The following DBR1 variants were observed in gnomAD, a reference collection of about 807,000 sequenced individuals.
The protein encoded by DBR1 is lariat debranching enzyme.
Under a neutral mutation model 45.9 loss-of-function variants are expected in DBR1, and 33 were observed. The observed-to-expected ratio is 0.72, with a 90% CI of 0.55 to 0.96. The LOEUF is 0.96. DBR1 is among the 40% of genes least tolerant of loss of function. The probability of loss-of-function intolerance (pLI) is 0.00; values close to 1 mark genes in which losing one functional copy is unlikely to be tolerated. For missense variants in DBR1, 619 were observed against 667.4 expected, an observed-to-expected ratio of 0.93 and a Z score of 0.80; for synonymous variants, 235 against 235.9, an observed-to-expected ratio of 1.00 and a Z score of 0.04.
chr3:138,161,682 C>A lies in DBR1; in HGVS notation c.*207G>T. Reference sequence around the variant, plus strand: ...CCAACACGGTGAAACCCTGTCATTACTAAAAATGCAAAAATTAGCCGGGTG... The same window carrying A: ...CCAACACGGTGAAACCCTGTCATTAATAAAAATGCAAAAATTAGCCGGGTG... On this transcript the variant is annotated 3_prime_UTR_variant, in exon 8 of 8. Transcript: ENST00000260803. 2.0e-6 allele frequency: 1 copy of A among 492,048 alleles called. No homozygotes were observed. The highest frequency in any genetic ancestry group is 3.7e-6 in the Non-Finnish European group (1 of 270,770). 30.5% of individuals were successfully genotyped at this position (492,048 alleles called of 1,614,324 possible).
intron 5 of DBR1, among the ~76,000 whole-genome samples, chr3:138,164,479 T>G (rs1419009742): frequency 6.6e-6 from 1 of 152,188 alleles, no homozygotes; most frequent in Non-Finnish European, 1.5e-5. Context: ...ACAAAGCAAG[T>G]TAGTGCTCCC....
At chr3:138,163,703 C>A in intron 6 of DBR1, 75 bp downstream of exon 6, 1 of 1,140,176 alleles carries the variant, frequency 8.8e-7, no homozygotes. Flanking sequence ...CAAAAAAATT[C>A]CGAAAGGAAA....
chr3:138,173,610 T>C lies in DBR1; in HGVS notation c.214A>G (p.Lys72Glu), dbSNP rs1465425853. The change falls in exon 2 of 8, where the codon AAA (lysine) becomes GAA (glutamate). Residue 72 changes from lysine (K) to glutamate (E), a missense_variant. This residue lies in a region of DBR1 where 430 missense variants were observed against 447.7 expected (regional missense o/e 0.96). Transcript: ENST00000260803. ...AAGAGCGTGAGAACTGGAGCCTTTT[T>C]CTCTCCAGAGTAATACCTAGAACAT... ...QTFYRYYSGE[K>E]KAPVLTLFIG... 6.2e-7 allele frequency: 1 copy of C among 1,613,564 alleles called. No homozygotes were observed. Among genetic ancestry groups the C allele is most frequent in the Admixed American group, 1.7e-5 (1 of 59,948 alleles).
Position 138,161,678 on chromosome 3 carries a change from A to G in DBR1, c.*211T>C. On this transcript the variant is annotated 3_prime_UTR_variant, in exon 8 of 8. Transcript: ENST00000260803. ...CTGGCCAACACGGTGAAACCCTGTCATTACTAAAAATGCAAAAATTAGCCG... is the reference window on the plus strand; with the variant it reads ...CTGGCCAACACGGTGAAACCCTGTCGTTACTAAAAATGCAAAAATTAGCCG... 1 of 481,064 alleles carries G rather than the reference A, an allele frequency of 2.1e-6. No individual in the cohort carries two copies. The highest frequency in any genetic ancestry group is 3.8e-6 in the Non-Finnish European group (1 of 264,096). 29.8% of individuals were successfully genotyped at this position (481,064 alleles called of 1,614,324 possible).
intron 2 of DBR1, among the ~76,000 whole-genome samples, 189 bp from the exon 3 acceptor site, chr3:138,171,902 T>C (rs2042957356): frequency 6.6e-6 from 1 of 152,126 alleles, no homozygotes; most frequent in African/African-American, 2.4e-5. Context: ...TAACAGTATA[T>C]AAAGGTAAGG....
intron 5 of DBR1, among the ~76,000 whole-genome samples, chr3:138,164,470 C>A (rs143151560): frequency 6.6e-6 from 1 of 152,294 alleles, no homozygotes; most frequent in East Asian, 1.9e-4. Flanking sequence ...TATAGAAACA[C>A]AAAGCAAGTT....
In DBR1 at chr3:138,166,962, T is replaced by G. The variant is rs1034216698; in HGVS notation, c.714+119A>C. The stretch of plus-strand genomic sequence containing the variant: ...GCTTGTCTTTCCCAGAATCATATAT[T>G]GAGCTACTCACAAGAGGTAAGTTAT... On this transcript the variant is annotated intron_variant, in intron 5 of 7. Coordinates refer to ENST00000260803, the MANE Select transcript of DBR1 (RefSeq NM_016216.4). The G allele has an allele frequency of 3.6e-5, 31 of 867,916 alleles. No homozygotes were observed. In the African/African-American group the frequency reaches 4.6e-4, roughly 13 times the overall value. 53.8% of individuals were successfully genotyped at this position (867,916 alleles called of 1,614,324 possible). A position where few individuals can be genotyped will look rare whatever the true frequency, so the allele number is the denominator to read the frequency against.
In DBR1 at chr3:138,161,870, A is replaced by G; in HGVS notation, c.*19T>C. The G allele has an allele frequency of 1.3e-6, 2 of 1,592,612 alleles. No homozygotes were observed. Among genetic ancestry groups the G allele is most frequent in the Non-Finnish European group, 1.7e-6 (2 of 1,162,282 alleles). On this transcript the variant is annotated 3_prime_UTR_variant, in exon 8 of 8. Coordinates refer to ENST00000260803, the MANE Select transcript of DBR1 (RefSeq NM_016216.4). ...TCAAAAAAACAAAACAAACACAAAA[A>G]CAAAACAAGTAAATCATCTTAAGCT... is the stretch of plus-strand genomic sequence containing the variant.
Position 138,174,763 on chromosome 3 carries a change from G to T in DBR1, c.33C>A (p.Gly11=), listed in dbSNP as rs1177937395. Residue 11 remains glycine, a synonymous_variant, in exon 1 of 8, where the codon GGC becomes GGA. Transcript: ENST00000260803. MRVAVAGCCH[G]ELDKIYETLA... Reference sequence around the variant, plus strand: ...GCGTCTCATAGATCTTATCCAGCTCGCCGTGGCAGCAGCCAGCCACAGCCA... The same window carrying T: ...GCGTCTCATAGATCTTATCCAGCTCTCCGTGGCAGCAGCCAGCCACAGCCA... 1.2e-6 allele frequency: 2 copies of T among 1,611,622 alleles called. No individual in the cohort carries two copies. The highest frequency in any genetic ancestry group is 1.7e-5 in the Admixed American group (1 of 59,912).
Position 138,162,187 on chromosome 3 carries a change from C to G in DBR1, c.1337G>C (p.Gly446Ala), listed in dbSNP as rs34889464. The change falls in exon 8 of 8, where the codon GGC (glycine) becomes GCC (alanine). Residue 446 changes from glycine (G) to alanine (A), a missense_variant. By Grantham distance (60) the Gly-to-Ala change is moderately conservative. Coordinates refer to ENST00000260803, the MANE Select transcript of DBR1 (RefSeq NM_016216.4). The part of the protein sequence containing the change: ...DEDSIVSAHS[G>A]MNTPSVEPSD... ...AGGTTCTACCGATGGTGTATTCATGCCACTATGTGCACTTACAATACTATC... is the reference window on the plus strand; with the variant it reads ...AGGTTCTACCGATGGTGTATTCATGGCACTATGTGCACTTACAATACTATC... The G allele has an allele frequency of 6.2e-7, 1 of 1,614,138 alleles. No individual in the cohort carries two copies. The highest frequency in any genetic ancestry group is 1.1e-5 in the South Asian group (1 of 91,084).
rs1292701478 is a variant in DBR1, at chr3:138,163,458, A to C, written c.832T>G (p.Tyr278Asp). The part of the protein sequence containing the change: ...EIEHDPSAPD[Y>D]LEYDIEWLTI... ...AGCCATTCAATATCATATTCCAAGT[A>C]ATCAGGAGCACTGGGGTCATGTTCT... is the stretch of plus-strand genomic sequence containing the variant. The change falls in exon 7 of 8, where the codon TAC becomes GAC. Residue 278 changes from tyrosine (Y) to aspartate (D), a missense_variant. This residue lies in a region of DBR1 where 430 missense variants were observed against 447.7 expected (regional missense o/e 0.96). Coordinates refer to ENST00000260803, the MANE Select transcript of DBR1 (RefSeq NM_016216.4). 2.5e-6 allele frequency: 4 copies of C among 1,610,022 alleles called. No homozygotes were observed. The African/African-American group carries it at 5.3e-5, about 22-fold the overall frequency.
In DBR1 at chr3:138,162,472, C is replaced by T. The variant is rs770770672; in HGVS notation, c.1052G>A (p.Ser351Asn). 1.1e-5 allele frequency: 18 copies of T among 1,613,946 alleles called. No individual in the cohort carries two copies. The highest frequency in any genetic ancestry group is 1.4e-5 in the Non-Finnish European group (17 of 1,180,004). The change falls in exon 8 of 8, where the codon AGC becomes AAC. Residue 351 changes from serine to asparagine, a missense_variant. Coordinates refer to ENST00000260803, the MANE Select transcript of DBR1 (RefSeq NM_016216.4). ...FSVTAACYDP[S>N]KPQTQMQLIH... ...CAGCTGCATTTGTGTCTGTGGCTTGCTAGGATCATAACAAGCAGCTGTTAC... is the reference window on the plus strand; with the variant it reads ...CAGCTGCATTTGTGTCTGTGGCTTGTTAGGATCATAACAAGCAGCTGTTAC...
Position 138,174,614 on chromosome 3 carries a change from A to T in DBR1, c.182T>A (p.Met61Lys). 2 of 1,565,124 alleles carry T rather than the reference A, an allele frequency of 1.3e-6. No homozygotes were observed. Among genetic ancestry groups the T allele is most frequent in the Non-Finnish European group, 1.7e-6 (2 of 1,151,008 alleles). ...CMAVPPKYRHMQTFYRYYSGE... is the reference protein window; with the variant it reads ...CMAVPPKYRHKQTFYRYYSGE... ...GCGTCCTCACCTGTAGAAGGTTTGCATGTGACGATACTTGGGCGGCACGGC... is the reference window on the plus strand; with the variant it reads ...GCGTCCTCACCTGTAGAAGGTTTGCTTGTGACGATACTTGGGCGGCACGGC... The change falls in exon 1 of 8, where the codon ATG (methionine) becomes AAG (lysine). Residue 61 changes from methionine (M) to lysine (K), a missense_variant. By Grantham distance (95) the Met-to-Lys change is moderately conservative. Around this residue, in one of 3 missense-constraint regions of DBR1, gnomAD observed 430 missense variants for 447.7 expected, o/e 0.96. Transcript: ENST00000260803.
intron 4 of DBR1, 114 bp downstream of exon 4, chr3:138,169,993 A>T: frequency 2.8e-6 from 2 of 703,074 alleles, no homozygotes; most frequent in South Asian, 3.4e-5. Flanking sequence ...TCCACATTTT[A>T]AAAATACAGA....
In DBR1 at chr3:138,161,804, C is replaced by G; in HGVS notation, c.*85G>C. Reference sequence around the variant, plus strand: ...GAGGTTGCGGTGAGCCGAGATCACGCCATTGCACTCCAGTCTAGGTGACAA... The same window carrying G: ...GAGGTTGCGGTGAGCCGAGATCACGGCATTGCACTCCAGTCTAGGTGACAA... On this transcript the variant is annotated 3_prime_UTR_variant, in exon 8 of 8. Transcript: ENST00000260803. 5.5e-6 allele frequency: 6 copies of G among 1,090,772 alleles called. No homozygotes were observed. Among genetic ancestry groups the G allele is most frequent in the Non-Finnish European group, 8.3e-6 (6 of 723,834 alleles). The allele number at this position is 1,090,772 out of a possible 1,614,324, so 67.6% of individuals were successfully genotyped here.
chr3:138,165,211 C>G (rs1483285215), intron 5 of DBR1, among the ~76,000 whole-genome samples: 1 of 152,124 alleles, frequency 6.6e-6, no homozygotes, highest in Non-Finnish European at 1.5e-5. Flanking sequence ...GACCAAGCAA[C>G]AGTTCAGTTC....
intron 5 of DBR1, among the ~76,000 whole-genome samples, chr3:138,165,391 G>C (rs2042925399): frequency 1.3e-5 from 2 of 152,134 alleles, no homozygotes; most frequent in Admixed American, 1.3e-4. Flanking sequence ...AGATTCTAGA[G>C]CATTTCAGAT....
At position 138,163,775 on chromosome 3, in the gene DBR1, T is replaced by A; in HGVS notation, c.795+3A>T. The A allele has an allele frequency of 6.2e-7, 1 of 1,608,020 alleles. No homozygotes were observed. Among genetic ancestry groups the A allele is most frequent in the Non-Finnish European group, 8.5e-7 (1 of 1,175,432 alleles). On this transcript the variant is annotated splice_donor_region_variant and intron_variant, in intron 6 of 7. Coordinates refer to ENST00000260803, the MANE Select transcript of DBR1 (RefSeq NM_016216.4). ...TATTATAAAGCCACTTCACTCTTCT[T>A]ACCTGAAGAAAATCTCTATGTGGTA...
intron 5 of DBR1, among the ~76,000 whole-genome samples, chr3:138,164,545 G>C (rs559919371): frequency 1.9e-4 from 29 of 152,170 alleles, no homozygotes; most frequent in Non-Finnish European, 4.0e-4. Context: ...AGGATCTTTG[G>C]GGGTGATGGA....
Sources: allele counts gnomAD v4.1 joint callset (sites outside exome capture counted in the v4.1 genomes callset), GRCh38; gene constraint gnomAD v4.1.1; regional missense constraint gnomAD v4.1.1; transcripts MANE v1.5; gene names NCBI Gene and HGNC (gene_info 2026-07-23, HGNC 2026-07-21).